Variants in BDKRB2 observed in about 807,000 individuals in gnomAD.
BDKRB2 encodes bradykinin receptor B2.
A neutral mutation model predicts 4.0 loss-of-function variants in BDKRB2; 6 were observed. The observed-to-expected ratio is 1.49, with a 90% CI of 0.81 to 2.93. The LOEUF is 2.93. Ranked by LOEUF, BDKRB2 falls within the 30% of genes most tolerant of loss-of-function variation. BDKRB2 has a pLI of 0.00. For missense variants in BDKRB2, 478 were observed against 520.1 expected (o/e 0.92, Z 0.79); for synonymous variants, 225 against 215.3 (o/e 1.05, Z -0.40).
chr14:96,239,817 G>T (rs150338755), intron 2 of BDKRB2: 1 of 985,300 alleles, frequency 1.0e-6, no homozygotes, highest in Non-Finnish European at 1.2e-6. Flanking sequence ...ACCCTCCCTC[G>T]CCATCTGTAT....
At chr14:96,240,210 G>C in intron 2 of BDKRB2, 193 bp from the exon 3 acceptor site, 1 of 1,300,452 alleles carries the variant, frequency 7.7e-7, no homozygotes, top group Non-Finnish European at 9.8e-7. Flanking sequence ...TAGATCCAAG[G>C]ATCAGAGGGG....
chr14:96,241,120 A>C lies in BDKRB2; in HGVS notation c.792A>C (p.Thr264=), dbSNP rs5224. The C allele has an allele frequency of 6.2e-7, 1 of 1,613,064 alleles. No individual in the cohort carries two copies. Among genetic ancestry groups the C allele is most frequent in the Non-Finnish European group, 8.5e-7 (1 of 1,179,638 alleles). ...NEMQKFKEIQ[T]ERRATVLVLV... ...TGCAGAAGTTCAAGGAGATCCAGAC[A>C]GAGAGGAGGGCCACGGTGCTAGTCC... Residue 264 remains threonine, a synonymous_variant, in exon 3 of 3, where the codon ACA becomes ACC. Coordinates refer to ENST00000554311, the MANE Select transcript of BDKRB2 (RefSeq NM_001379692.1).
At chr14:96,234,967 G>C (rs1378085132) in intron 1 of BDKRB2, among the ~76,000 whole-genome samples, 1 of 152,218 alleles carries the variant, frequency 6.6e-6, no homozygotes, top group Non-Finnish European at 1.5e-5. Flanking sequence ...TGAGCCCCAA[G>C]AGGACAGGGG....
intron 1 of BDKRB2, among the ~76,000 whole-genome samples, chr14:96,211,778 C>G (rs966172644): frequency 1.3e-5 from 2 of 152,264 alleles, no homozygotes; most frequent in South Asian, 4.2e-4. Context: ...TGGGATCCTT[C>G]GGTTCCTTCA....
chr14:96,213,495 A>AACAC (rs66460667), intron 1 of BDKRB2, among the ~76,000 whole-genome samples: 37,150 of 146,368 alleles, frequency 0.25, 4,636 homozygotes, highest in South Asian at 0.35. Flanking sequence ...GACCGACCCA[A>AACAC]ACACACACAC....
intron 1 of BDKRB2, among the ~76,000 whole-genome samples, chr14:96,217,952 G>A (rs923019767): frequency 6.6e-6 from 1 of 152,086 alleles, no homozygotes; most frequent in African/African-American, 2.4e-5. Flanking sequence ...TTTGTATGCA[G>A]AGTCACCCAG....
At chr14:96,238,355 C>A in intron 2 of BDKRB2, 1 of 678,832 alleles carries the variant, frequency 1.5e-6, no homozygotes, top group Non-Finnish European at 1.8e-6. Flanking sequence ...AAATCACACA[C>A]CATCCCTGCC....
chr14:96,213,242 T>C (rs1282047986), intron 1 of BDKRB2, among the ~76,000 whole-genome samples: 3 of 152,150 alleles, frequency 2.0e-5, no homozygotes, highest in African/African-American at 4.8e-5. Flanking sequence ...CCCTAACCAC[T>C]TACTGAGAGA....
At chr14:96,238,338 G>T in intron 2 of BDKRB2, 1 of 577,002 alleles carries the variant, frequency 1.7e-6, no homozygotes, top group Non-Finnish European at 2.2e-6. Flanking sequence ...TTATGACCTA[G>T]CCTCAGAAAT....
chr14:96,206,392 A>G (rs1890180743), intron 1 of BDKRB2, among the ~76,000 whole-genome samples: 1 of 152,170 alleles, frequency 6.6e-6, no homozygotes, highest in Non-Finnish European at 1.5e-5. Context: ...ACATGACCTC[A>G]GCCAGCCCTT....
At position 96,239,619 on chromosome 14, in the gene BDKRB2, G is replaced by C. The variant is rs756228218; in HGVS notation, c.75-784G>C. 27 of 979,726 alleles carry C rather than the reference G, an allele frequency of 2.8e-5. No individual in the cohort carries two copies. The Admixed American group carries it at 3.7e-4, about 13-fold the overall frequency. The allele number at this position is 979,726 out of a possible 1,614,324, so 60.7% of individuals were successfully genotyped here. ...TAATGTTTATTGAGCCTAGTGCAGT[G>C]CTTGGGGCATTTTGCACATTGTCTC... On this transcript the variant is annotated intron_variant, in intron 2 of 2. Transcript: ENST00000554311.
chr14:96,210,506 G>A (rs1723041540), intron 1 of BDKRB2, among the ~76,000 whole-genome samples: 2 of 152,294 alleles, frequency 1.3e-5, no homozygotes, highest in South Asian at 4.1e-4. Flanking sequence ...TTGAGTGTGA[G>A]GAGCTAGGCT....
At chr14:96,238,736 C>T (rs1168515728) in intron 2 of BDKRB2, 1 of 984,610 alleles carries the variant, frequency 1.0e-6, no homozygotes, top group Non-Finnish European at 1.2e-6. Flanking sequence ...CAAAATGCTT[C>T]TTATCCTTCA....
In BDKRB2 at chr14:96,226,529, C is replaced by T. The variant is rs574316368; in HGVS notation, c.-39-10540C>T. On this transcript the variant is annotated intron_variant, in intron 1 of 2. Coordinates refer to ENST00000554311, the MANE Select transcript of BDKRB2 (RefSeq NM_001379692.1). ...ATTAGCTGGGCGTAGTGGTGCATGC[C>T]TGTAATCCCAGCTACCTGGGAGGCT... Among the ~76,000 whole-genome samples the T allele has an allele frequency of 2.0e-5, 3 of 152,300 alleles. No homozygotes were observed. The East Asian group carries it at 5.8e-4, about 29-fold the overall frequency.
rs371585492 is a variant in BDKRB2 at position 96,205,981 on chromosome 14, G to C, written c.-40+1022G>C. Reference sequence around the variant, plus strand: ...GTGGGAGCCCTGGCCTGGGTGTGGGGTGATGGGGGCCTCCCTGGCCAACCC... The same window carrying C: ...GTGGGAGCCCTGGCCTGGGTGTGGGCTGATGGGGGCCTCCCTGGCCAACCC... On this transcript the variant is annotated intron_variant, in intron 1 of 2. Transcript: ENST00000554311. 2.0e-5 allele frequency among the ~76,000 whole-genome samples: 3 copies of C among 152,296 alleles called. No individual in the cohort carries two copies. In the South Asian group the frequency reaches 6.2e-4, roughly 32 times the overall value.
intron 1 of BDKRB2, among the ~76,000 whole-genome samples, chr14:96,206,565 A>G (rs1472616594): frequency 1.3e-5 from 2 of 152,054 alleles, no homozygotes; most frequent in African/African-American, 4.8e-5. Context: ...TGCAAAAGTC[A>G]TCTCGGTTCT....
chr14:96,227,656 C>A (rs12050382), intron 1 of BDKRB2, among the ~76,000 whole-genome samples: 26,226 of 151,792 alleles, frequency 0.17, 2,493 homozygotes, highest in Non-Finnish European at 0.22. Context: ...CACAAACACA[C>A]ATGTGCACAA....
intron 1 of BDKRB2, among the ~76,000 whole-genome samples, chr14:96,232,759 G>A (rs192303866): frequency 9.2e-5 from 14 of 152,272 alleles, no homozygotes; most frequent in Non-Finnish European, 1.3e-4. Flanking sequence ...CAGGAGGAAC[G>A]ACTAGATTAT....
chr14:96,226,968 G>A (rs1025127342), intron 1 of BDKRB2, among the ~76,000 whole-genome samples: 20 of 152,300 alleles, frequency 1.3e-4, no homozygotes, highest in African/African-American at 4.6e-4. Flanking sequence ...CTACAGCCCT[G>A]GCCCCAGAAC....
Sources: gnomAD v4.1 joint callset for allele counts (sites outside exome capture counted in the v4.1 genomes callset) on GRCh38, gnomAD v4.1.1 for gene constraint, MANE v1.5 for transcripts, NCBI Gene and HGNC (gene_info 2026-07-23, HGNC 2026-07-21) for gene names.